The following DPP10 variants were observed in gnomAD, a reference collection of about 807,000 sequenced individuals.
DPP10 encodes the protein inactive dipeptidyl peptidase 10.
In DPP10, 33 loss-of-function variants were observed where a neutral mutation model predicts 120.9. The observed-to-expected ratio is 0.27, with a 90% CI of 0.21 to 0.37. The LOEUF is 0.37. Ranked by LOEUF, DPP10 falls within the 10% of genes least tolerant of loss-of-function variation. The probability of loss-of-function intolerance (pLI) is 1.00; values close to 1 mark genes in which losing one functional copy is unlikely to be tolerated. For missense variants in DPP10, 816 were observed against 942.8 expected, an observed-to-expected ratio of 0.87 and a Z score of 1.76; for synonymous variants, 337 against 326.1, an observed-to-expected ratio of 1.03 and a Z score of -0.36.
intron 3 of DPP10, among the ~76,000 whole-genome samples, chr2:115,421,471 G>A (rs1276395286): frequency 6.6e-6 from 1 of 152,086 alleles, no homozygotes; most frequent in African/African-American, 2.4e-5. Flanking sequence ...TGCAACATCA[G>A]TTTATTTATA....
At chr2:114,601,204 A>G (rs1046529139) in intron 1 of DPP10, among the ~76,000 whole-genome samples, 2 of 151,930 alleles carry the variant, frequency 1.3e-5, no homozygotes, top group African/African-American at 2.4e-5. Flanking sequence ...GGGCACATCC[A>G]TGGTTCTTCA....
At chr2:114,810,291 C>T (rs1043620693) in intron 1 of DPP10, among the ~76,000 whole-genome samples, 1 of 152,166 alleles carries the variant, frequency 6.6e-6, no homozygotes, top group African/African-American at 2.4e-5. Context: ...AAAACACCTA[C>T]GTCAGCTCTT....
intron 1 of DPP10, among the ~76,000 whole-genome samples, chr2:115,158,656 A>G (rs2052078646): frequency 6.6e-6 from 1 of 151,948 alleles, no homozygotes; most frequent in Admixed American, 6.6e-5. Flanking sequence ...TTCAGTTATG[A>G]GAGTCTGATT....
chr2:114,789,305 G>T (rs1683046539), intron 1 of DPP10, among the ~76,000 whole-genome samples: 1 of 152,186 alleles, frequency 6.6e-6, no homozygotes, highest in Non-Finnish European at 1.5e-5. Flanking sequence ...AGGTTAAATA[G>T]GGAAGAAAGA....
intron 1 of DPP10, among the ~76,000 whole-genome samples, chr2:115,206,775 C>T (rs2056162976): frequency 6.6e-6 from 1 of 152,042 alleles, no homozygotes; most frequent in South Asian, 2.1e-4. Context: ...ATTTAGTGTT[C>T]AGTAAATGCT....
At chr2:115,103,791 A>G (rs2048815038) in intron 1 of DPP10, among the ~76,000 whole-genome samples, 1 of 152,230 alleles carries the variant, frequency 6.6e-6, no homozygotes, top group African/African-American at 2.4e-5. Flanking sequence ...ATGTATAACC[A>G]TTTAATATAT....
intron 1 of DPP10, among the ~76,000 whole-genome samples, chr2:115,104,007 A>G (rs1299736439): frequency 2.0e-5 from 3 of 152,118 alleles, no homozygotes; most frequent in East Asian, 1.9e-4. Flanking sequence ...ACCTTAACAC[A>G]CAGCCTGGAG....
intron 1 of DPP10, among the ~76,000 whole-genome samples, chr2:114,900,791 C>G (rs889235892): frequency 1.1e-4 from 16 of 152,002 alleles, no homozygotes; most frequent in African/African-American, 3.6e-4. Flanking sequence ...AAAAGTTCCC[C>G]AAAATACTAT....
intron 1 of DPP10, among the ~76,000 whole-genome samples, chr2:114,565,745 G>A (rs990031246): frequency 2.6e-5 from 4 of 152,150 alleles, no homozygotes; most frequent in African/African-American, 7.2e-5. Flanking sequence ...TATAAACTAC[G>A]TGACTTCCTG....
chr2:115,069,346 A>T (rs1707182615), intron 1 of DPP10, among the ~76,000 whole-genome samples: 1 of 152,004 alleles, frequency 6.6e-6, no homozygotes, highest in South Asian at 2.1e-4. Flanking sequence ...TTTCATTGTT[A>T]GTGTATAGAA....
chr2:115,795,760 A>G (rs892143659), intron 19 of DPP10, among the ~76,000 whole-genome samples: 1 of 152,172 alleles, frequency 6.6e-6, no homozygotes, highest in Admixed American at 6.6e-5. Context: ...TTTGTTATAC[A>G]CACATTTCAT....
chr2:114,594,477 TTATATATTATATATACA>T (rs931891622), intron 1 of DPP10, among the ~76,000 whole-genome samples: 7 of 147,824 alleles, frequency 4.7e-5, no homozygotes, highest in Middle Eastern at 3.6e-3. Flanking sequence ...AGGGAGTTTA[TTATATATTATATATACA>T]TATATATTAT....
rs144874103 is a variant in DPP10 at position 115,348,792 on chromosome 2, A to C, written c.271+4880A>C. ...TGTAATGAGATTTTACCGTGCAGCT[A>C]GTGTGTCCTTTACTCACCCCATGAG... On this transcript the variant is annotated intron_variant, in intron 3 of 25. Transcript: ENST00000410059. Among the ~76,000 whole-genome samples, 87 of 152,236 alleles carry C rather than the reference A, an allele frequency of 5.7e-4. 3 individuals are homozygous for C. The East Asian group carries it at 0.016, about 28-fold the overall frequency.
At position 114,646,878 on chromosome 2, in the gene DPP10, G is replaced by A. The variant is rs535378009; in HGVS notation, c.60+204040G>A. ...TAAAGATTCTCTCTGGAATTGCCTC[G>A]CTTCCTAAAAGATATTTTAAACACT... On this transcript the variant is annotated intron_variant, in intron 1 of 25. Coordinates refer to ENST00000410059, the MANE Select transcript of DPP10 (RefSeq NM_020868.6). Among the ~76,000 whole-genome samples, 144 of 152,144 alleles carry A rather than the reference G, an allele frequency of 9.5e-4. No individual in the cohort carries two copies. The South Asian group carries it at 0.011, about 11-fold the overall frequency.
intron 21 of DPP10, among the ~76,000 whole-genome samples, chr2:115,825,818 A>G (rs1297666859): frequency 6.6e-6 from 1 of 152,240 alleles, no homozygotes; most frequent in Non-Finnish European, 1.5e-5. Context: ...TAGTCTAAAA[A>G]TCTTAATTGC....
intron 1 of DPP10, among the ~76,000 whole-genome samples, chr2:115,067,631 A>C (rs1707000197): frequency 6.9e-6 from 1 of 144,902 alleles, no homozygotes; most frequent in Non-Finnish European, 1.5e-5. Flanking sequence ...TGGGAAGTCG[A>C]GGCAGGGGGA....
At chr2:114,801,262 C>CAAAA (rs1174819592) in intron 1 of DPP10, among the ~76,000 whole-genome samples, 3 of 59,666 alleles carry the variant, frequency 5.0e-5, no homozygotes, top group Non-Finnish European at 6.9e-5. Flanking sequence ...GACTCTGTAT[C>CAAAA]AAAAAAAAAA....
chr2:115,209,814 C>T (rs2056388314), intron 1 of DPP10, among the ~76,000 whole-genome samples: 2 of 152,116 alleles, frequency 1.3e-5, no homozygotes, highest in Admixed American at 1.3e-4. Flanking sequence ...GGAAGAATTA[C>T]ACATATGTCT....
intron 1 of DPP10, among the ~76,000 whole-genome samples, chr2:115,218,299 C>T (rs918364227): frequency 1.3e-5 from 2 of 151,994 alleles, no homozygotes; most frequent in East Asian, 1.9e-4. Flanking sequence ...AAAGAAACAA[C>T]GATTTGATTC....
Sources: gnomAD v4.1 joint callset for allele counts (sites outside exome capture counted in the v4.1 genomes callset) on GRCh38, gnomAD v4.1.1 for gene constraint, MANE v1.5 for transcripts, NCBI Gene and HGNC (gene_info 2026-07-23, HGNC 2026-07-21) for gene names.